The following PIEZO2 variants were observed in gnomAD, a reference collection of about 807,000 sequenced individuals.
The protein encoded by PIEZO2 is piezo type mechanosensitive ion channel component 2, also known as piezo-type mechanosensitive ion channel component 2.
Under a neutral mutation model 337.3 loss-of-function variants are expected in PIEZO2, and 172 were observed. The observed-to-expected ratio is 0.51, with a 90% CI of 0.45 to 0.58. The LOEUF is 0.58. PIEZO2 is among the 20% of genes least tolerant of loss of function. PIEZO2 has a pLI of 0.00. For missense variants in PIEZO2, 3,028 were observed against 3,391.3 expected (o/e 0.89, Z 2.66); for synonymous variants, 1,251 against 1,228.5 (o/e 1.02, Z -0.38).
Position 10,676,139 on chromosome 18 carries a change from C to T in PIEZO2, c.8082-851G>A, listed in dbSNP as rs1410295785. ...TGGACCTCGAGTGACCTCTGCCTCC[C>T]ACAAGCCCAGTGCCTTCAATACATT... On this transcript the variant is annotated intron_variant, in intron 53 of 55. Coordinates refer to ENST00000674853, the MANE Select transcript of PIEZO2 (RefSeq NM_001378183.1). This position sits in a 1 kb window ranked among gnomAD's most constrained non-coding sequence, Gnocchi z 5.1. 6.6e-6 allele frequency among the ~76,000 whole-genome samples: 1 copy of T among 152,182 alleles called. No individual in the cohort carries two copies. The highest frequency in any genetic ancestry group is 1.5e-5 in the Non-Finnish European group (1 of 68,038).
At chr18:10,731,176 A>ATT (rs754214375) in intron 36 of PIEZO2, among the ~76,000 whole-genome samples, 64 of 11,072 alleles carry the variant, frequency 5.8e-3, no homozygotes, top group Non-Finnish European at 1.5e-3. Context: ...TACTTAAAAG[A>ATT]TTATATATAT....
chr18:11,126,617 G>T lies in PIEZO2; in HGVS notation c.64+21908C>A, dbSNP rs2040190877. Among the ~76,000 whole-genome samples, 1 of 151,158 alleles carries T rather than the reference G, an allele frequency of 6.6e-6. No homozygotes were observed. Among genetic ancestry groups the T allele is most frequent in the Non-Finnish European group, 1.5e-5 (1 of 67,914 alleles). On this transcript the variant is annotated intron_variant, in intron 1 of 55. Coordinates refer to ENST00000674853, the MANE Select transcript of PIEZO2 (RefSeq NM_001378183.1). This position sits in a 1 kb window ranked among gnomAD's most constrained non-coding sequence, Gnocchi z 4.6. ...TTTAAAGAGGATCTCAAGAGCAGGA[G>T]CCATGCCTTACATATTTTTTTTTTT...
chr18:10,721,092 T>G (rs1224317132), intron 36 of PIEZO2, among the ~76,000 whole-genome samples: 1 of 152,206 alleles, frequency 6.6e-6, no homozygotes, highest in African/African-American at 2.4e-5. Flanking sequence ...ATACTTATCT[T>G]GCCTACCAGT....
At chr18:10,695,938 C>T (rs2035061001) in intron 47 of PIEZO2, 136 bp downstream of exon 47, 2 of 820,262 alleles carry the variant, frequency 2.4e-6, no homozygotes, top group Admixed American at 2.1e-5. Context: ...ACCTTTAGCT[C>T]TTCCTACCCG....
intron 2 of PIEZO2, among the ~76,000 whole-genome samples, chr18:11,004,225 C>A (rs1157940131): frequency 1.3e-5 from 2 of 152,044 alleles, no homozygotes; most frequent in African/African-American, 4.8e-5. Context: ...CCTGAGTCCC[C>A]CTGGATGGAA....
chr18:10,733,701 GCCTC>G (rs1441374296), intron 35 of PIEZO2, among the ~76,000 whole-genome samples: 1 of 152,146 alleles, frequency 6.6e-6, no homozygotes, highest in East Asian at 1.9e-4. Flanking sequence ...GCCCGCCTCG[GCCTC>G]CCAAAGTGCT....
intron 5 of PIEZO2, among the ~76,000 whole-genome samples, chr18:10,868,722 C>A (rs2042067319): frequency 6.6e-6 from 1 of 152,200 alleles, no homozygotes; most frequent in Non-Finnish European, 1.5e-5. Flanking sequence ...AAATCTATCT[C>A]TGAAAATTGA....
chr18:10,778,368 T>C (rs1332256673), intron 18 of PIEZO2, among the ~76,000 whole-genome samples: 1 of 148,984 alleles, frequency 6.7e-6, no homozygotes, highest in Admixed American at 6.7e-5. Flanking sequence ...GGAGTCGCTC[T>C]GTCGCCCAGG....
Position 10,727,001 on chromosome 18 carries a change from T to C in PIEZO2, c.5029+4406A>G, listed in dbSNP as rs1236083751. 8 of 967,192 alleles carry C rather than the reference T, an allele frequency of 8.3e-6. No homozygotes were observed. Among genetic ancestry groups the C allele is most frequent in the East Asian group, 5.4e-5 (2 of 37,270 alleles). 59.9% of individuals were successfully genotyped at this position (967,192 alleles called of 1,614,324 possible). On this transcript the variant is annotated intron_variant, in intron 36 of 55. Coordinates refer to ENST00000674853, the MANE Select transcript of PIEZO2 (RefSeq NM_001378183.1). This position sits in a 1 kb window ranked among gnomAD's most constrained non-coding sequence, Gnocchi z 6.3. ...AAGCTCCAGATAGGCCCCCAGAACA[T>C]GAAGCTGTTTGCTCTGTGCTTCCAC...
chr18:10,916,400 G>C (rs1020613247), intron 3 of PIEZO2, among the ~76,000 whole-genome samples: 1 of 152,184 alleles, frequency 6.6e-6, no homozygotes, highest in Non-Finnish European at 1.5e-5. Flanking sequence ...GCTCAGGCAT[G>C]GCAGGCTGCA....
At position 10,752,813 on chromosome 18, in the gene PIEZO2, G is replaced by A. The variant is rs1598433583; in HGVS notation, c.3990C>T (p.Ile1330=). 1.3e-6 allele frequency: 2 copies of A among 1,537,192 alleles called. No individual in the cohort carries two copies. Among genetic ancestry groups the A allele is most frequent in the Non-Finnish European group, 1.7e-6 (2 of 1,146,892 alleles). The change falls in exon 28 of 56, where the codon ATC becomes ATT. Residue 1330 remains isoleucine, a synonymous_variant. Transcript: ENST00000674853. ...TGATCCTGGTGGTCCCAGTGATGAA[G>A]ATGATGGTGAGCACAAACCAGAAGA... ...SYLFWFVLTI[I]FITGTTRISI... is the part of the protein sequence containing the mutation.
intron 7 of PIEZO2, among the ~76,000 whole-genome samples, chr18:10,844,025 G>A (rs951384375): frequency 3.3e-5 from 5 of 152,170 alleles, no homozygotes; most frequent in Admixed American, 6.5e-5. Context: ...TTACTATGTC[G>A]GCTTACTATG....
Position 10,784,547 on chromosome 18 carries a change from T to C in PIEZO2, c.2492+237A>G, listed in dbSNP as rs1044616249. Among the ~76,000 whole-genome samples, 65 of 152,214 alleles carry C rather than the reference T, an allele frequency of 4.3e-4. No homozygotes were observed. Among genetic ancestry groups the C allele is most frequent in the African/African-American group, 1.5e-3 (63 of 41,456 alleles). ...AGTCTCCACAGCTACTCTGAATATCTCACAAGACGATCAAGATCACTTTAC... is the reference window on the plus strand; with the variant it reads ...AGTCTCCACAGCTACTCTGAATATCCCACAAGACGATCAAGATCACTTTAC... On this transcript the variant is annotated intron_variant, in intron 17 of 55. Coordinates refer to ENST00000674853, the MANE Select transcript of PIEZO2 (RefSeq NM_001378183.1). The surrounding 1 kb of genome is among the most constrained non-coding windows in gnomAD (Gnocchi z 4.5).
chr18:10,926,078 A>G (rs992146051), intron 3 of PIEZO2, among the ~76,000 whole-genome samples: 2 of 152,192 alleles, frequency 1.3e-5, no homozygotes, highest in African/African-American at 4.8e-5. Context: ...TTCAGTTTGC[A>G]TTCCAGGGGA....
Position 10,875,964 on chromosome 18 carries a change from T to C in PIEZO2, c.330-4549A>G, listed in dbSNP as rs553585299. 2.6e-5 allele frequency among the ~76,000 whole-genome samples: 4 copies of C among 152,382 alleles called. No homozygotes were observed. The South Asian group carries it at 8.3e-4, about 32-fold the overall frequency. On this transcript the variant is annotated intron_variant, in intron 4 of 55. Transcript: ENST00000674853. Reference sequence around the variant, plus strand: ...TACTTAGAATGGAATCATTCAGCCATAGAGGTGCTAAACTATTAACTACTA... The same window carrying C: ...TACTTAGAATGGAATCATTCAGCCACAGAGGTGCTAAACTATTAACTACTA...
At chr18:10,686,583 G>C (rs1301935394) in intron 49 of PIEZO2, among the ~76,000 whole-genome samples, 1 of 152,188 alleles carries the variant, frequency 6.6e-6, no homozygotes, top group Admixed American at 6.5e-5. Context: ...GTGATTCCTA[G>C]GCCATATATG....
chr18:10,761,217 G>T, intron 23 of PIEZO2, 106 bp from the exon 24 acceptor site: 1 of 1,016,200 alleles, frequency 9.8e-7, no homozygotes, highest in Non-Finnish European at 1.4e-6. Context: ...TTTTATAAAA[G>T]CTCACCTCTC....
chr18:10,876,699 T>C (rs1029738754), intron 4 of PIEZO2, among the ~76,000 whole-genome samples: 6 of 152,212 alleles, frequency 3.9e-5, no homozygotes, highest in South Asian at 2.1e-4. Context: ...GAGTTTTGAA[T>C]GCCTGGTTCA....
intron 1 of PIEZO2, among the ~76,000 whole-genome samples, chr18:11,073,580 T>TA (rs2038421163): frequency 6.6e-6 from 1 of 152,002 alleles, no homozygotes; most frequent in Admixed American, 6.6e-5. Context: ...GTGCACAAAC[T>TA]AAAAACTAAA....
Sources: gnomAD v4.1 joint callset for allele counts (sites outside exome capture counted in the v4.1 genomes callset) on GRCh38, gnomAD v4.1.1 for gene constraint, Gnocchi (gnomAD v3.1) non-coding constraint, MANE v1.5 for transcripts, NCBI Gene and HGNC (gene_info 2026-07-23, HGNC 2026-07-21) for gene names.